The following BSN variants were observed in gnomAD, a reference collection of about 807,000 sequenced individuals.
The protein encoded by BSN is protein bassoon.
BSN carries 57 observed loss-of-function variants against 264.8 expected under a neutral mutation model. The observed-to-expected ratio is 0.22, with a 90% CI of 0.17 to 0.27. BSN has a LOEUF of 0.27. BSN is among the 10% of genes least tolerant of loss of function. BSN has a pLI of 1.00. For synonymous variants in BSN, 2,059 were observed against 2,137.3 expected (o/e 0.96, Z 1.01); for missense variants, 4,615 against 5,232.5 (o/e 0.88, Z 3.64).
chr3:49,564,150 C>A (rs1444344043), intron 1 of BSN, among the ~76,000 whole-genome samples: 1 of 152,166 alleles, frequency 6.6e-6, no homozygotes, highest in Admixed American at 6.5e-5. Flanking sequence ...TACAGAGAGG[C>A]CTTAGAGAAC....
intron 1 of BSN, among the ~76,000 whole-genome samples, chr3:49,618,999 T>C (rs1457067260): frequency 6.6e-6 from 1 of 152,254 alleles, no homozygotes; most frequent in Non-Finnish European, 1.5e-5. Context: ...TATGAACACC[T>C]GTGGACCCAC....
At chr3:49,570,555 C>T (rs557080426) in intron 1 of BSN, among the ~76,000 whole-genome samples, 1 of 152,280 alleles carries the variant, frequency 6.6e-6, no homozygotes, top group African/African-American at 2.4e-5. Context: ...ACTCAGGCCC[C>T]CAGTTGGGGG....
chr3:49,583,943 G>A (rs1410806572), intron 1 of BSN, among the ~76,000 whole-genome samples: 1 of 152,064 alleles, frequency 6.6e-6, no homozygotes, highest in Non-Finnish European at 1.5e-5. Context: ...GCGCGATCTC[G>A]GCTCACTGCA....
intron 1 of BSN, among the ~76,000 whole-genome samples, chr3:49,594,732 G>T (rs2052007723): frequency 6.6e-6 from 1 of 152,002 alleles, no homozygotes; most frequent in Non-Finnish European, 1.5e-5. Context: ...GATTTTGATA[G>T]GAATTGAATT....
chr3:49,600,145 G>C (rs2052061339), intron 1 of BSN, among the ~76,000 whole-genome samples: 1 of 152,216 alleles, frequency 6.6e-6, no homozygotes, highest in Admixed American at 6.5e-5. Context: ...CGACAATGCT[G>C]TGTCAGTTCA....
Position 49,658,165 on chromosome 3 carries a change from T to A in BSN, c.8609T>A (p.Leu2870His). 3 of 1,587,338 alleles carry A rather than the reference T, an allele frequency of 1.9e-6. No individual in the cohort carries two copies. Among genetic ancestry groups the A allele is most frequent in the Non-Finnish European group, 1.7e-6 (2 of 1,162,396 alleles). Residue 2870 changes from leucine (L) to histidine (H), a missense_variant, in exon 5 of 12, where the codon CTC becomes CAC. Coordinates refer to ENST00000296452, the MANE Select transcript of BSN (RefSeq NM_003458.4). The part of the protein sequence containing the change: ...AEESAKERFS[L>H]YQHQGGLGSQ... The stretch of plus-strand genomic sequence containing the variant: ...GAGTCTGCCAAAGAGAGATTCTCCC[T>A]CTACCAGCACCAGGGGGGACTGGGT...
At chr3:49,658,228 CAG>C in intron 5 of BSN, 32 bp downstream of exon 5, 1 of 1,506,298 alleles carries the variant, frequency 6.6e-7, no homozygotes, top group Non-Finnish European at 8.9e-7. Context: ...CAGGGTGGGA[CAG>C]GGGTCTCTGC....
At chr3:49,611,699 C>T (rs2052207824) in intron 1 of BSN, among the ~76,000 whole-genome samples, 1 of 152,220 alleles carries the variant, frequency 6.6e-6, no homozygotes, top group South Asian at 2.1e-4. Flanking sequence ...TAAAAAGTGC[C>T]CCAGTCACTG....
In BSN at chr3:49,656,101, C is replaced by T. The variant is rs778655969; in HGVS notation, c.6545C>T (p.Pro2182Leu). 6 of 1,612,144 alleles carry T rather than the reference C, an allele frequency of 3.7e-6. No individual in the cohort carries two copies. The highest frequency in any genetic ancestry group is 2.2e-5 in the East Asian group (1 of 44,890). ...GQGTAVRQLLPSTATVRAADG... is the reference protein window; with the variant it reads ...GQGTAVRQLLLSTATVRAADG... ...GGAACAGCAGTCAGACAGCTGCTGCCGTCCACAGCCACTGTACGTGCAGCT... is the reference window on the plus strand; with the variant it reads ...GGAACAGCAGTCAGACAGCTGCTGCTGTCCACAGCCACTGTACGTGCAGCT... Residue 2182 changes from proline to leucine, a missense_variant, in exon 5 of 12, where the codon CCG becomes CTG. Around this residue, in one of 3 missense-constraint regions of BSN, gnomAD observed 3,415 missense variants for 3,866.4 expected, o/e 0.88. Coordinates refer to ENST00000296452, the MANE Select transcript of BSN (RefSeq NM_003458.4).
rs537130364 is a variant in BSN, at chr3:49,670,457, C to T, written c.*2972C>T. ...TTCTGACATCTGCCACTCCTCATCC[C>T]CCACTGTACCCACAGGATACATCAT... On this transcript the variant is annotated 3_prime_UTR_variant, in exon 12 of 12. Transcript: ENST00000296452. The T allele has an allele frequency of 6.6e-6, 1 of 152,484 alleles. No homozygotes were observed. Among genetic ancestry groups the T allele is most frequent in the African/African-American group, 2.4e-5 (1 of 41,598 alleles). The allele number at this position is 152,484 out of a possible 1,614,324, so 9.4% of individuals were successfully genotyped here. A position where few individuals can be genotyped will look rare whatever the true frequency, so the allele number is the denominator to read the frequency against.
rs2052439020 is a variant in BSN at position 49,638,844 on chromosome 3, CT to C, written c.634-3421del. Among the ~76,000 whole-genome samples the C allele has an allele frequency of 6.6e-6, 1 of 152,192 alleles. No homozygotes were observed. Among genetic ancestry groups the C allele is most frequent in the Admixed American group, 6.5e-5 (1 of 15,282 alleles). ...TAAGAAGCCTTACCTCCTAAATTCC[CT>C]TTCCCAGGAAGAAGTCTCACCTCAG... On this transcript the variant is annotated intron_variant, in intron 2 of 11. Coordinates refer to ENST00000296452, the MANE Select transcript of BSN (RefSeq NM_003458.4). This position sits in a 1 kb window ranked among gnomAD's most constrained non-coding sequence, Gnocchi z 4.3.
intron 1 of BSN, among the ~76,000 whole-genome samples, chr3:49,592,392 A>G (rs2051984889): frequency 6.8e-6 from 1 of 146,216 alleles, no homozygotes; most frequent in Non-Finnish European, 1.5e-5. Flanking sequence ...TACAGGCGTG[A>G]GCCACCGTGC....
In BSN at chr3:49,652,151, C is replaced by T. The variant is rs374443913; in HGVS notation, c.2595C>T (p.Ser865=). 43 of 1,614,024 alleles carry T rather than the reference C, an allele frequency of 2.7e-5. No individual in the cohort carries two copies. The highest frequency in any genetic ancestry group is 1.6e-4 in the Middle Eastern group (1 of 6,062). ...DNLEEDDTAT[S]GRGLAKHGTQ... ...TGGAGGAGGATGACACTGCCACCTCCGGGCGTGGCCTGGCCAAACATGGCA... is the reference window on the plus strand; with the variant it reads ...TGGAGGAGGATGACACTGCCACCTCTGGGCGTGGCCTGGCCAAACATGGCA... Residue 865 remains serine (S), a synonymous_variant, in exon 5 of 12, where the codon TCC becomes TCT. Coordinates refer to ENST00000296452, the MANE Select transcript of BSN (RefSeq NM_003458.4).
downstream of BSN, among the ~76,000 whole-genome samples, chr3:49,672,142 A>G (rs1326195114): frequency 6.8e-6 from 1 of 146,064 alleles, no homozygotes; most frequent in Admixed American, 7.2e-5. Flanking sequence ...TTGTTGTTCC[A>G]GTCTTCATTT....
At chr3:49,620,456 GAA>G (rs1327497684) in intron 1 of BSN, among the ~76,000 whole-genome samples, 1 of 144,522 alleles carries the variant, frequency 6.9e-6, no homozygotes, top group East Asian at 2.0e-4. Context: ...AAAAAAAAAA[GAA>G]AAAAAAAACA....
At position 49,652,385 on chromosome 3, in the gene BSN, T is replaced by A; in HGVS notation, c.2829T>A (p.Gly943=). 2 of 1,608,154 alleles carry A rather than the reference T, an allele frequency of 1.2e-6. No individual in the cohort carries two copies. The highest frequency in any genetic ancestry group is 1.7e-6 in the Non-Finnish European group (2 of 1,177,044). Residue 943 remains glycine, a synonymous_variant, in exon 5 of 12, where the codon GGT becomes GGA. Coordinates refer to ENST00000296452, the MANE Select transcript of BSN (RefSeq NM_003458.4). ...AGCTCAACAGCACGGGAAGTTATGG[T>A]CATGAGTTGGACCTGGGCCAAGGCC... ...TIELNSTGSY[G]HELDLGQGPD...
At chr3:49,672,025 CTTTTTTTTTTTT>C (rs34710169), downstream of BSN, among the ~76,000 whole-genome samples, 1 of 100,412 alleles carries the variant, frequency 1.0e-5, no homozygotes. Flanking sequence ...GTTGCTAGAC[CTTTTTTTTTTTT>C]TTTTTTTTTT....
chr3:49,589,844 G>GTT (rs36106925), intron 1 of BSN, among the ~76,000 whole-genome samples: 140 of 125,446 alleles, frequency 1.1e-3, no homozygotes, highest in Middle Eastern at 0.011. Context: ...CTTTTTCTTT[G>GTT]TTTTTTTTTT....
chr3:49,626,594 G>T (rs2052342578), intron 2 of BSN, among the ~76,000 whole-genome samples: 1 of 152,182 alleles, frequency 6.6e-6, no homozygotes, highest in Non-Finnish European at 1.5e-5. Flanking sequence ...GCACTGTTCA[G>T]TTAGGTAAGT....
Sources: allele counts gnomAD v4.1 joint callset (sites outside exome capture counted in the v4.1 genomes callset), GRCh38; gene constraint gnomAD v4.1.1; regional missense constraint gnomAD v4.1.1; non-coding constraint Gnocchi (gnomAD v3.1); transcripts MANE v1.5; gene names NCBI Gene and HGNC (gene_info 2026-07-23, HGNC 2026-07-21).